The following PTPRD variants were observed in gnomAD, a reference collection of about 807,000 sequenced individuals.
The protein encoded by PTPRD is receptor-type tyrosine-protein phosphatase delta.
A neutral mutation model predicts 214.5 loss-of-function variants in PTPRD; 34 were observed. The ratio of observed to expected loss-of-function variants is 0.16; its 90% confidence interval spans 0.12 to 0.21. PTPRD has a LOEUF of 0.21. Ranked by LOEUF, PTPRD falls within the 10% of genes least tolerant of loss-of-function variation. The pLI is 1.00. For synonymous variants in PTPRD, 1,128 were observed against 845.7 expected, an observed-to-expected ratio of 1.33 and a Z score of -5.79; for missense variants, 2,545 against 2,398.7, an observed-to-expected ratio of 1.06 and a Z score of -1.27.
intron 3 of PTPRD, among the ~76,000 whole-genome samples, chr9:10,312,064 G>A (rs913772959): frequency 2.0e-5 from 3 of 151,958 alleles, no homozygotes; most frequent in African/African-American, 7.2e-5. Flanking sequence ...ACCTTTGAGA[G>A]TTGTGGCTAC....
At chr9:10,125,427 TTATTATTATTATTATTA>T (rs2098809674) in intron 3 of PTPRD, among the ~76,000 whole-genome samples, 2 of 60,756 alleles carry the variant, frequency 3.3e-5, no homozygotes, top group African/African-American at 1.6e-4. Context: ...TTTTATTTTA[TTATTATTATTATTATTA>T]TTATTATTAT....
chr9:10,196,012 G>A (rs927809461), intron 3 of PTPRD, among the ~76,000 whole-genome samples: 7 of 152,094 alleles, frequency 4.6e-5, no homozygotes, highest in African/African-American at 1.7e-4. Context: ...GGAGGAGGGG[G>A]ATTGACTATA....
chr9:8,864,255 A>G (rs1344299592), intron 11 of PTPRD, among the ~76,000 whole-genome samples: 1 of 152,222 alleles, frequency 6.6e-6, no homozygotes, highest in Non-Finnish European at 1.5e-5. Flanking sequence ...TGTACTGTTT[A>G]AGAGAAAGAT....
In PTPRD at chr9:9,831,633, A is replaced by G. The variant is rs139187326; in HGVS notation, c.-367-64782T>C. 2.3e-3 allele frequency among the ~76,000 whole-genome samples: 344 copies of G among 152,072 alleles called. 1 individual carries two copies. The highest frequency in any genetic ancestry group is 3.4e-3 in the Non-Finnish European group (232 of 67,918). Reference sequence around the variant, plus strand: ...ATGCTTGCTAACCAACTACCTCTCAATGTTCTTTACCTGTATTATCAGATT... The same window carrying G: ...ATGCTTGCTAACCAACTACCTCTCAGTGTTCTTTACCTGTATTATCAGATT... On this transcript the variant is annotated intron_variant, in intron 5 of 45. Coordinates refer to ENST00000381196, the MANE Select transcript of PTPRD (RefSeq NM_002839.4).
At chr9:9,438,387 A>T (rs1418338143) in intron 8 of PTPRD, among the ~76,000 whole-genome samples, 1 of 152,196 alleles carries the variant, frequency 6.6e-6, no homozygotes, top group Non-Finnish European at 1.5e-5. Context: ...AGAAATAAAT[A>T]ATCTCATACT....
intron 11 of PTPRD, among the ~76,000 whole-genome samples, chr9:8,769,140 T>G (rs1486981694): frequency 6.6e-6 from 1 of 152,226 alleles, no homozygotes; most frequent in Non-Finnish European, 1.5e-5. Flanking sequence ...TATATTTAAA[T>G]GTGCAGCATG....
chr9:9,104,173 C>G (rs577077785), intron 10 of PTPRD, among the ~76,000 whole-genome samples: 13 of 152,262 alleles, frequency 8.5e-5, no homozygotes, highest in African/African-American at 3.1e-4. Flanking sequence ...TCTTTTGTGA[C>G]TACTCAACTC....
intron 3 of PTPRD, among the ~76,000 whole-genome samples, chr9:10,277,881 G>A (rs1024328199): frequency 2.0e-5 from 3 of 152,024 alleles, no homozygotes; most frequent in Non-Finnish European, 4.4e-5. Flanking sequence ...CTTTGAGGCC[G>A]GGCTCGGTGG....
intron 14 of PTPRD, among the ~76,000 whole-genome samples, chr9:8,620,179 T>G (rs2095770123): frequency 6.6e-6 from 1 of 152,072 alleles, no homozygotes. Flanking sequence ...TTCCTTTGTT[T>G]GATCTTTGCT....
intron 39 of PTPRD, among the ~76,000 whole-genome samples, chr9:8,354,084 TTTTA>T (rs1255159813): frequency 6.6e-6 from 1 of 150,574 alleles, no homozygotes; most frequent in African/African-American, 2.4e-5. Context: ...TAAATATGTC[TTTTA>T]TTTATTACAT....
At chr9:10,483,109 G>A (rs1462452803) in intron 2 of PTPRD, among the ~76,000 whole-genome samples, 1 of 152,064 alleles carries the variant, frequency 6.6e-6, no homozygotes, top group Non-Finnish European at 1.5e-5. Context: ...GAACACAATA[G>A]AGAATCCAGA....
chr9:10,479,632 A>AATAG (rs2099084181), intron 2 of PTPRD, among the ~76,000 whole-genome samples: 2 of 105,806 alleles, frequency 1.9e-5, no homozygotes, highest in African/African-American at 6.6e-5. Context: ...AGAAAACATA[A>AATAG]ATAAATAAAT....
At chr9:10,131,140 G>C (rs765858415) in intron 3 of PTPRD, among the ~76,000 whole-genome samples, 2 of 152,162 alleles carry the variant, frequency 1.3e-5, no homozygotes, top group African/African-American at 4.8e-5. Flanking sequence ...GAGGAATAAA[G>C]AGAGTGAGGA....
At chr9:10,028,583 T>C (rs1223369135) in intron 4 of PTPRD, among the ~76,000 whole-genome samples, 2 of 152,132 alleles carry the variant, frequency 1.3e-5, no homozygotes, top group African/African-American at 2.4e-5. Flanking sequence ...AGGGACTTGT[T>C]GGGAACTGGA....
chr9:8,786,023 G>C (rs543437833), intron 11 of PTPRD, among the ~76,000 whole-genome samples: 2 of 144,522 alleles, frequency 1.4e-5, no homozygotes, highest in Non-Finnish European at 3.0e-5. Context: ...CTGAGAAGCC[G>C]CTTAATTTGT....
chr9:8,892,555 G>T (rs535094893), intron 11 of PTPRD, among the ~76,000 whole-genome samples: 1 of 150,150 alleles, frequency 6.7e-6, no homozygotes, highest in South Asian at 2.1e-4. Context: ...GTATATATGT[G>T]TGTATATATG....
At chr9:10,492,963 C>T (rs2040831407) in intron 2 of PTPRD, among the ~76,000 whole-genome samples, 1 of 151,938 alleles carries the variant, frequency 6.6e-6, no homozygotes. Context: ...AAATAATAGA[C>T]AAATAGCCAC....
intron 12 of PTPRD, among the ~76,000 whole-genome samples, chr9:8,706,312 C>T (rs899245689): frequency 2.0e-5 from 3 of 152,090 alleles, no homozygotes; most frequent in Non-Finnish European, 4.4e-5. Context: ...AACTTCTTAC[C>T]GCTTTACCTT....
intron 8 of PTPRD, among the ~76,000 whole-genome samples, chr9:9,536,319 T>G (rs540611389): frequency 6.4e-4 from 98 of 152,128 alleles, no homozygotes; most frequent in African/African-American, 2.3e-3. Flanking sequence ...AAAATGGGTA[T>G]GCTTACTGGC....
Sources: allele counts gnomAD v4.1 joint callset (sites outside exome capture counted in the v4.1 genomes callset), GRCh38; gene constraint gnomAD v4.1.1; transcripts MANE v1.5; gene names NCBI Gene and HGNC (gene_info 2026-07-23, HGNC 2026-07-21).